GDPD4: variants seen among roughly 807,000 people sequenced by gnomAD.
GDPD4 encodes glycerophosphodiester phosphodiesterase 6.
A neutral mutation model predicts 67.8 loss-of-function variants in GDPD4; 60 were observed. The observed-to-expected ratio is 0.88, with a 90% confidence interval of 0.72 to 1.10. The LOEUF (loss-of-function observed/expected upper bound fraction) is 1.10, where lower values mean the gene tolerates loss of function less well. Among genes scored for constraint, GDPD4 ranks in the 50% least tolerant of loss-of-function variants. GDPD4 has a pLI of 0.00. For synonymous variants in GDPD4, 212 were observed against 210.9 expected, an observed-to-expected ratio of 1.00 and a Z score of -0.04; for missense variants, 623 against 613.9, an observed-to-expected ratio of 1.01 and a Z score of -0.16.
intron 3 of GDPD4, among the ~76,000 whole-genome samples, chr11:77,283,340 T>C (rs937196220): frequency 2.6e-5 from 4 of 152,212 alleles, no homozygotes; most frequent in Admixed American, 6.5e-5. Flanking sequence ...CAGTGTCATT[T>C]TGATGACCAG....
chr11:77,217,289 C>T lies in GDPD4; in HGVS notation c.1551G>A (p.Glu517=), dbSNP rs1230117605. The T allele has an allele frequency of 1.2e-6, 2 of 1,608,250 alleles. No homozygotes were observed. Among genetic ancestry groups the T allele is most frequent in the Non-Finnish European group, 8.5e-7 (1 of 1,174,788 alleles). Residue 517 remains glutamate, a synonymous_variant, in exon 17 of 17, where the codon GAG becomes GAA. Transcript: ENST00000315938. The part of the protein sequence containing the change: ...RTDTQSGSKN[E]EDR The stretch of plus-strand genomic sequence containing the variant: ...CAAATCTATCTATCTATCTATCTTC[C>T]TCATTCTTACTTCCACTCTGAGTAT...
At chr11:77,227,265 G>GC (rs1958360334) in intron 16 of GDPD4, among the ~76,000 whole-genome samples, 1 of 152,172 alleles carries the variant, frequency 6.6e-6, no homozygotes, top group Non-Finnish European at 1.5e-5. Flanking sequence ...AAGCGATAAT[G>GC]CCATCTCCTA....
rs1368702355 is a variant in GDPD4, at chr11:77,229,158, A to G, written c.1464T>C (p.Cys488=). 6.3e-7 allele frequency: 1 copy of G among 1,576,168 alleles called. No individual in the cohort carries two copies. Among genetic ancestry groups the G allele is most frequent in the African/African-American group, 1.4e-5 (1 of 73,970 alleles). The change falls in exon 15 of 17, where the codon TGT becomes TGC. Residue 488 remains cysteine (C), a synonymous_variant. Transcript: ENST00000315938. ...ISVLFIVAIF[C]FHWRRETEKE... is the part of the protein sequence containing the mutation. ...ATTATATATATACTTACCAGTGAAA[A>G]CAAAATATGGCAACAATAAAAAGCA...
chr11:77,221,116 T>C (rs957156477), intron 16 of GDPD4, among the ~76,000 whole-genome samples: 6 of 152,218 alleles, frequency 3.9e-5, no homozygotes, highest in Non-Finnish European at 8.8e-5. Flanking sequence ...TAGCATTTTT[T>C]TATTGCATCT....
intron 11 of GDPD4, among the ~76,000 whole-genome samples, chr11:77,249,617 A>G (rs540876189): frequency 3.1e-4 from 47 of 152,324 alleles, no homozygotes; most frequent in Non-Finnish European, 6.2e-4. Flanking sequence ...ATCATAGCTT[A>G]CCAGAATGAG....
intron 10 of GDPD4, among the ~76,000 whole-genome samples, chr11:77,260,330 G>A (rs977890241): frequency 2.0e-5 from 3 of 151,064 alleles, no homozygotes; most frequent in Non-Finnish European, 2.9e-5. Flanking sequence ...GTCGGGGGAG[G>A]GGGGGGAATA....
chr11:77,218,062 G>A (rs1944033), intron 16 of GDPD4, among the ~76,000 whole-genome samples: 137,310 of 151,352 alleles, frequency 0.91, 62,572 homozygotes, highest in Non-Finnish European at 0.96. Flanking sequence ...AGTGTAATTC[G>A]ATCTGGAAGA....
intron 10 of GDPD4, among the ~76,000 whole-genome samples, chr11:77,264,036 G>C (rs1159540180): frequency 1.3e-5 from 2 of 152,104 alleles, no homozygotes; most frequent in African/African-American, 4.8e-5. Flanking sequence ...GGATCTGTGT[G>C]TTTCTGCAAT....
intron 10 of GDPD4, among the ~76,000 whole-genome samples, chr11:77,267,915 T>C (rs1788817648): frequency 6.6e-6 from 1 of 152,054 alleles, no homozygotes; most frequent in Admixed American, 6.6e-5. Flanking sequence ...AAATTTTTTT[T>C]CTTTTTTTTC....
At chr11:77,275,764 A>G (rs1166985628) in intron 5 of GDPD4, among the ~76,000 whole-genome samples, 1 of 152,204 alleles carries the variant, frequency 6.6e-6, no homozygotes, top group Non-Finnish European at 1.5e-5. Flanking sequence ...TAAGGTTAAT[A>G]AAGTTGGAGC....
rs1380926908 is a variant in GDPD4, at chr11:77,252,050, G to GTTTTTT, written c.864+6335_864+6336insAAAAAA. Among the ~76,000 whole-genome samples, 52 of 71,906 alleles carry GTTTTTT rather than the reference G, an allele frequency of 7.2e-4. 2 individuals are homozygous for GTTTTTT. Among genetic ancestry groups the GTTTTTT allele is most frequent in the South Asian group, 8.6e-4 (2 of 2,316 alleles). The allele number at this position is 71,906 out of a possible 152,430, so 47.2% of individuals were successfully genotyped here. ...GGTGTCCATTTGGGTTTTTTTGTTTGTTTGTTTTTTTTTTGTTTTTTTTTT... is the reference window on the plus strand; with the variant it reads ...GGTGTCCATTTGGGTTTTTTTGTTTGTTTTTTTTTGTTTTTTTTTTGTTTTTTTTTT... On this transcript the variant is annotated intron_variant, in intron 11 of 16. Transcript: ENST00000315938.
At chr11:77,259,894 T>C (rs529128494) in intron 10 of GDPD4, among the ~76,000 whole-genome samples, 1 of 152,270 alleles carries the variant, frequency 6.6e-6, no homozygotes, top group Admixed American at 6.5e-5. Flanking sequence ...AAAGAAAATA[T>C]TACCAGACAG....
chr11:77,228,522 AAAAAAAT>A, intron 15 of GDPD4, among the ~76,000 whole-genome samples: 2 of 145,982 alleles, frequency 1.4e-5, no homozygotes. Context: ...AAAAAAAAAA[AAAAAAAT>A]TAGCCAGGCA....
At chr11:77,226,594 T>C (rs908139204) in intron 16 of GDPD4, among the ~76,000 whole-genome samples, 9 of 152,234 alleles carry the variant, frequency 5.9e-5, no homozygotes, top group African/African-American at 1.4e-4. Flanking sequence ...AATAAATTTC[T>C]GTTGTTCAAG....
Position 77,217,120 on chromosome 11 carries a change from C to T in GDPD4, c.*157G>A, listed in dbSNP as rs1276443404. 1.4e-6 allele frequency: 1 copy of T among 721,462 alleles called. No individual in the cohort carries two copies. 44.7% of individuals were successfully genotyped at this position (721,462 alleles called of 1,614,324 possible). On this transcript the variant is annotated 3_prime_UTR_variant, in exon 17 of 17. Transcript: ENST00000315938. ...CAGGCTTCAAAGGTGTGACAGCATT[C>T]TTGATAGGTAGTAGTTTCTTGGATG...
At chr11:77,291,828 T>G (rs1224636673) in intron 1 of GDPD4, among the ~76,000 whole-genome samples, 2 of 152,088 alleles carry the variant, frequency 1.3e-5, no homozygotes, top group Non-Finnish European at 2.9e-5. Flanking sequence ...GTCGGGAGTT[T>G]GAGACCAGCC....
At chr11:77,238,580 G>A (rs1244165303) in intron 13 of GDPD4, among the ~76,000 whole-genome samples, 7 of 104,768 alleles carry the variant, frequency 6.7e-5, no homozygotes, top group East Asian at 5.0e-4. Context: ...GCGAAACTCC[G>A]TCTCAAAAAA....
chr11:77,222,603 G>T (rs553112435), intron 16 of GDPD4, among the ~76,000 whole-genome samples: 6 of 152,318 alleles, frequency 3.9e-5, no homozygotes, highest in African/African-American at 9.6e-5. Context: ...GAGATCCGCT[G>T]TTAGTCTGAT....
chr11:77,298,533 A>G (rs1289375417), intron 1 of GDPD4, among the ~76,000 whole-genome samples: 1 of 152,178 alleles, frequency 6.6e-6, no homozygotes, highest in Non-Finnish European at 1.5e-5. Flanking sequence ...CTGGTTGACA[A>G]TGGTTGAGTT....
Sources: allele counts gnomAD v4.1 joint callset (sites outside exome capture counted in the v4.1 genomes callset), GRCh38; gene constraint gnomAD v4.1.1; transcripts MANE v1.5; gene names NCBI Gene and HGNC (gene_info 2026-07-23, HGNC 2026-07-21).